MTDH: variants seen among roughly 807,000 people sequenced by gnomAD.
MTDH encodes protein LYRIC.
MTDH carries 34 observed loss-of-function variants against 72.7 expected under a neutral mutation model. The ratio of observed to expected loss-of-function variants is 0.47; its 90% CI spans 0.36 to 0.62. MTDH has a LOEUF of 0.62. MTDH is among the 20% of genes least tolerant of loss of function. MTDH has a pLI of 0.00. For missense variants in MTDH, 677 were observed against 699.4 expected (o/e 0.97, Z 0.36); for synonymous variants, 266 against 268.9 (o/e 0.99, Z 0.10).
At position 97,644,647 on chromosome 8, in the gene MTDH, C is replaced by T. The variant is rs1271098454; in HGVS notation, c.141C>T (p.Tyr47=). ...ACCTGGGGCTGGAGCCGAAACGGTACCCCGGCTGGGTGATCCTGGTGGGCA... is the reference window on the plus strand; with the variant it reads ...ACCTGGGGCTGGAGCCGAAACGGTATCCCGGCTGGGTGATCCTGGTGGGCA... The part of the protein sequence containing the change: ...GLDLGLEPKR[Y]PGWVILVGTG... Residue 47 remains tyrosine (Y), a synonymous_variant, in exon 1 of 12, where the codon TAC becomes TAT. Transcript: ENST00000336273. 4 of 1,609,766 alleles carry T rather than the reference C, an allele frequency of 2.5e-6. No homozygotes were observed. The highest frequency in any genetic ancestry group is 3.3e-5 in the Admixed American group (2 of 59,862).
chr8:97,663,275 A>T (rs1298226072), intron 2 of MTDH, among the ~76,000 whole-genome samples: 2 of 152,152 alleles, frequency 1.3e-5, no homozygotes, highest in Non-Finnish European at 2.9e-5. Flanking sequence ...CACAGTTTAA[A>T]GTTTATCATC....
intron 8 of MTDH, among the ~76,000 whole-genome samples, chr8:97,712,228 G>A (rs1211269004): frequency 6.6e-6 from 1 of 152,138 alleles, no homozygotes; most frequent in East Asian, 1.9e-4. Flanking sequence ...AGTAGAGATG[G>A]GGTTTCACCA....
intron 2 of MTDH, among the ~76,000 whole-genome samples, chr8:97,666,464 A>G (rs1812391652): frequency 6.6e-6 from 1 of 152,230 alleles, no homozygotes; most frequent in African/African-American, 2.4e-5. Context: ...ATGCTCCTTC[A>G]GTTTCTCTAA....
rs1811480407 is a variant in MTDH at position 97,644,558 on chromosome 8, T to C, written c.52T>C (p.Ser18Pro). 2 of 1,602,456 alleles carry C rather than the reference T, an allele frequency of 1.2e-6. No individual in the cohort carries two copies. The highest frequency in any genetic ancestry group is 1.7e-6 in the Non-Finnish European group (2 of 1,177,822). ...GCTGGCCCAGCAGGCCGAGGAGGGC[T>C]CGGCCCGGCTGCGGGAAATGCTCTC... ...DELAQQAEEG[S>P]ARLREMLSVG... Residue 18 changes from serine (S) to proline (P), a missense_variant, in exon 1 of 12, where the codon TCG (serine) becomes CCG (proline). Ser to Pro is a moderately conservative substitution (Grantham distance 74). Coordinates refer to ENST00000336273, the MANE Select transcript of MTDH (RefSeq NM_178812.4).
Position 97,730,249 on chromosome 8 carries a change from C to T in MTDH, c.*5579C>T, listed in dbSNP as rs544645430. Among the ~76,000 whole-genome samples the T allele has an allele frequency of 5.8e-4, 88 of 152,270 alleles. No homozygotes were observed. The highest frequency in any genetic ancestry group is 3.5e-3 in the South Asian group (17 of 4,828). ...TAAAAGCATAATAAAATGAACACAT[C>T]TGAAACCACCATTCTGCTCAAGAAA... On this transcript the variant is annotated 3_prime_UTR_variant, in exon 12 of 12. Transcript: ENST00000336273.
chr8:97,718,051 A>G (rs1407811495), intron 9 of MTDH, among the ~76,000 whole-genome samples: 1 of 135,674 alleles, frequency 7.4e-6, no homozygotes, highest in Admixed American at 7.6e-5. Flanking sequence ...CACCCGGCCT[A>G]ATTTTTGTAT....
intron 7 of MTDH, among the ~76,000 whole-genome samples, chr8:97,704,618 G>T (rs1403432152): frequency 6.6e-6 from 1 of 151,566 alleles, no homozygotes; most frequent in Admixed American, 6.6e-5. Flanking sequence ...CTTAAACTAA[G>T]AAAATATATA....
chr8:97,699,183 G>T (rs1354053615), intron 6 of MTDH, among the ~76,000 whole-genome samples: 1 of 152,166 alleles, frequency 6.6e-6, no homozygotes, highest in African/African-American at 2.4e-5. Context: ...AGCTACTTGG[G>T]AGGCTGAGGT....
intron 10 of MTDH, among the ~76,000 whole-genome samples, chr8:97,722,279 A>C (rs1486982325): frequency 6.6e-6 from 1 of 152,168 alleles, no homozygotes; most frequent in African/African-American, 2.4e-5. Context: ...GAAAAGCATA[A>C]AATCATCTTA....
intron 1 of MTDH, among the ~76,000 whole-genome samples, chr8:97,651,594 C>T (rs1054964571): frequency 6.6e-5 from 10 of 152,078 alleles, no homozygotes; most frequent in African/African-American, 1.9e-4. Flanking sequence ...CAGAAATGAC[C>T]GTGAAAGTAC....
At chr8:97,656,564 G>A (rs565440115) in intron 1 of MTDH, among the ~76,000 whole-genome samples, 2 of 151,612 alleles carry the variant, frequency 1.3e-5, no homozygotes, top group Admixed American at 6.6e-5. Context: ...GCCTCCCAAA[G>A]TGCTGGGATT....
chr8:97,649,055 A>G (rs1481950963), intron 1 of MTDH, among the ~76,000 whole-genome samples: 1 of 152,196 alleles, frequency 6.6e-6, no homozygotes, highest in Admixed American at 6.5e-5. Flanking sequence ...TTAGATACAC[A>G]AACACTTACC....
At chr8:97,671,150 A>G (rs1264439320) in intron 2 of MTDH, among the ~76,000 whole-genome samples, 2 of 152,018 alleles carry the variant, frequency 1.3e-5, no homozygotes, top group Admixed American at 1.3e-4. Flanking sequence ...TATTTTTAGT[A>G]GAGACGGGGT....
chr8:97,675,559 C>CAA (rs869166884), intron 2 of MTDH, among the ~76,000 whole-genome samples: 562 of 50,912 alleles, frequency 0.011, 15 homozygotes, highest in African/African-American at 0.028. Flanking sequence ...GACTCTGTCT[C>CAA]AAAAAAAAAA....
chr8:97,675,708 C>T (rs991166280), intron 2 of MTDH, among the ~76,000 whole-genome samples: 2 of 151,870 alleles, frequency 1.3e-5, no homozygotes, highest in Non-Finnish European at 2.9e-5. Flanking sequence ...CCTGTCTCTT[C>T]AAAAAATACA....
At position 97,713,753 on chromosome 8, in the gene MTDH, A is replaced by G. The variant is rs764126741; in HGVS notation, c.1364A>G (p.Asp455Gly). 9 of 1,592,670 alleles carry G rather than the reference A, an allele frequency of 5.7e-6. No individual in the cohort carries two copies. Among genetic ancestry groups the G allele is most frequent in the Non-Finnish European group, 7.7e-6 (9 of 1,169,154 alleles). The change falls in exon 9 of 12, where the codon GAT becomes GGT. Residue 455 changes from aspartate to glycine, a missense_variant. By Grantham distance (94) the Asp-to-Gly change is moderately conservative. Around this residue, in one of 3 missense-constraint regions of MTDH, gnomAD observed 201 missense variants for 204.5 expected, o/e 0.98. Coordinates refer to ENST00000336273, the MANE Select transcript of MTDH (RefSeq NM_178812.4). Reference protein sequence around the residue: ...KKKKKKKQGEDNSTAQDTEEL... With the variant: ...KKKKKKKQGEGNSTAQDTEEL... The stretch of plus-strand genomic sequence containing the variant: ...AAGAAAAAGAAGAAGCAAGGTGAAG[A>G]TAACTCTACTGCACAGGTAAAATGT...
Position 97,719,138 on chromosome 8 carries a change from G to A in MTDH, c.1470G>A (p.Leu490=). ...CAAAACAGGAAAAAGCTTTTTCCTTGAAGACCATAAGCACTAGTGATCCAG... is the reference window on the plus strand; with the variant it reads ...CAAAACAGGAAAAAGCTTTTTCCTTAAAGACCATAAGCACTAGTGATCCAG... The part of the protein sequence containing the change: ...TRPKQEKAFS[L]KTISTSDPAE... Residue 490 remains leucine, a synonymous_variant, in exon 10 of 12, where the codon TTG becomes TTA. Coordinates refer to ENST00000336273, the MANE Select transcript of MTDH (RefSeq NM_178812.4). 1.2e-6 allele frequency: 2 copies of A among 1,613,990 alleles called. No individual in the cohort carries two copies. Among genetic ancestry groups the A allele is most frequent in the African/African-American group, 1.3e-5 (1 of 75,020 alleles).
In MTDH at chr8:97,644,868, A is replaced by G; in HGVS notation, c.362A>G (p.Lys121Arg). Residue 121 changes from lysine (K) to arginine (R), a missense_variant, in exon 1 of 12, where the codon AAA becomes AGA. Physicochemically the swap from Lys to Arg is conservative, Grantham distance 26. Coordinates refer to ENST00000336273, the MANE Select transcript of MTDH (RefSeq NM_178812.4). ...SEEQKKKNRK[K>R]LSEKPKPNGR... is the part of the protein sequence containing the mutation. ...GAACAGAAGAAGAAGAACCGGAAGA[A>G]ACTGTCCGAGAAGCCCAAAGTGAGT... The G allele has an allele frequency of 6.4e-7, 1 of 1,567,818 alleles. No individual in the cohort carries two copies. Among genetic ancestry groups the G allele is most frequent in the Non-Finnish European group, 8.6e-7 (1 of 1,165,836 alleles).
At chr8:97,718,491 G>A (rs1814967281) in intron 9 of MTDH, among the ~76,000 whole-genome samples, 1 of 149,430 alleles carries the variant, frequency 6.7e-6, no homozygotes, top group African/African-American at 2.5e-5. Context: ...AGTGTTTTTT[G>A]TGGGTTTTTT....
Sources: gnomAD v4.1 joint callset for allele counts (sites outside exome capture counted in the v4.1 genomes callset) on GRCh38, gnomAD v4.1.1 for gene constraint, gnomAD v4.1.1 regional missense constraint, MANE v1.5 for transcripts, NCBI Gene and HGNC (gene_info 2026-07-23, HGNC 2026-07-21) for gene names.